The following PIP5K1B variants were observed in gnomAD, a reference collection of about 807,000 sequenced individuals.
PIP5K1B encodes phosphatidylinositol-4-phosphate 5-kinase type 1 beta.
Under a neutral mutation model 67.0 loss-of-function variants are expected in PIP5K1B, and 42 were observed. That is an observed-to-expected ratio of 0.63 (90% CI 0.49 to 0.81). PIP5K1B has a LOEUF of 0.81. Among genes scored for constraint, PIP5K1B ranks in the 30% least tolerant of loss-of-function variants. The pLI, the probability that PIP5K1B is intolerant of heterozygous loss-of-function variation, is 0.00. For synonymous variants in PIP5K1B, 214 were observed against 231.4 expected, an observed-to-expected ratio of 0.92 and a Z score of 0.68; for missense variants, 459 against 646.3, an observed-to-expected ratio of 0.71 and a Z score of 3.14.
intron 2 of PIP5K1B, among the ~76,000 whole-genome samples, chr9:68,799,105 A>T (rs1343634416): frequency 6.6e-6 from 1 of 152,208 alleles, no homozygotes; most frequent in Non-Finnish European, 1.5e-5. Flanking sequence ...GTTTTTGAGG[A>T]TTCTAAAGGG....
At position 69,006,456 on chromosome 9, in the gene PIP5K1B, C is replaced by A. The variant is rs112821595; in HGVS notation, c.1621-1991C>A. On this transcript the variant is annotated intron_variant, in intron 15 of 15. Coordinates refer to ENST00000265382, the MANE Select transcript of PIP5K1B (RefSeq NM_003558.4). ...TTCTGAGATTCCACTCACCTCCCGA[C>A]CCCAGGATCACAGCATCTGTGCCAC... Among the ~76,000 whole-genome samples the A allele has an allele frequency of 1.5e-3, 226 of 152,304 alleles. 2 individuals are homozygous for A. The highest frequency in any genetic ancestry group is 5.2e-3 in the African/African-American group (217 of 41,548).
intron 12 of PIP5K1B, among the ~76,000 whole-genome samples, chr9:68,932,793 CCT>C (rs1827065059): frequency 6.6e-6 from 1 of 152,098 alleles, no homozygotes; most frequent in Admixed American, 6.6e-5. Flanking sequence ...CATCTGAGAT[CCT>C]CTGATTTAGA....
chr9:69,004,336 T>TG (rs199837025), intron 15 of PIP5K1B, among the ~76,000 whole-genome samples: 36,593 of 119,226 alleles, frequency 0.31, 5,011 homozygotes, highest in East Asian at 0.44. Context: ...TGTGTGTGTT[T>TG]TTGTGTGTGT....
chr9:68,820,268 C>T (rs1359541707), intron 3 of PIP5K1B, among the ~76,000 whole-genome samples: 4 of 152,144 alleles, frequency 2.6e-5, no homozygotes, highest in Non-Finnish European at 5.9e-5. Flanking sequence ...TTATTCAAAA[C>T]TGACCTAATA....
At chr9:68,841,561 C>T (rs948384655) in intron 4 of PIP5K1B, among the ~76,000 whole-genome samples, 10 of 152,094 alleles carry the variant, frequency 6.6e-5, no homozygotes, top group Non-Finnish European at 1.0e-4. Context: ...TTCCATCTTT[C>T]GTCCCACAGT....
chr9:68,759,147 T>C (rs1564113200), intron 2 of PIP5K1B, among the ~76,000 whole-genome samples: 1 of 152,142 alleles, frequency 6.6e-6, no homozygotes, highest in Non-Finnish European at 1.5e-5. Flanking sequence ...ACATCTGGAA[T>C]GAAGGCAGAA....
chr9:68,939,348 G>A (rs1827439856), intron 13 of PIP5K1B, among the ~76,000 whole-genome samples: 1 of 152,182 alleles, frequency 6.6e-6, no homozygotes, highest in Non-Finnish European at 1.5e-5. Flanking sequence ...AACCTAGGTC[G>A]AAGACCAGCT....
chr9:68,861,817 G>T (rs1350542715), intron 4 of PIP5K1B, among the ~76,000 whole-genome samples: 1 of 152,008 alleles, frequency 6.6e-6, no homozygotes, highest in Non-Finnish European at 1.5e-5. Context: ...TGGTACAAAA[G>T]GTCACTGACG....
At chr9:68,854,119 A>G (rs1371375454) in intron 4 of PIP5K1B, among the ~76,000 whole-genome samples, 1 of 146,350 alleles carries the variant, frequency 6.8e-6, no homozygotes, top group East Asian at 2.0e-4. Context: ...CTGGGAATAA[A>G]CAGAAAACTT....
chr9:68,902,635 A>G (rs1825420591), intron 8 of PIP5K1B, among the ~76,000 whole-genome samples: 2 of 152,200 alleles, frequency 1.3e-5, no homozygotes. Context: ...GCCTGAATTC[A>G]ATTTCTATGT....
intron 8 of PIP5K1B, among the ~76,000 whole-genome samples, chr9:68,907,936 A>G (rs1287080162): frequency 6.6e-6 from 1 of 152,236 alleles, no homozygotes; most frequent in Non-Finnish European, 1.5e-5. Context: ...CCATAGAGTA[A>G]TATGAAAGGT....
chr9:68,780,584 T>C (rs756349143), intron 2 of PIP5K1B: 2 of 1,614,044 alleles, frequency 1.2e-6, no homozygotes, highest in Non-Finnish European at 8.5e-7. Context: ...TCGATTTCAT[T>C]CCTGTGTCAC....
intron 2 of PIP5K1B, among the ~76,000 whole-genome samples, chr9:68,749,329 AC>A (rs1308522219): frequency 6.6e-6 from 1 of 152,084 alleles, no homozygotes; most frequent in Non-Finnish European, 1.5e-5. Flanking sequence ...TGATGTGGCT[AC>A]CAGTCAAGGA....
intron 1 of PIP5K1B, among the ~76,000 whole-genome samples, chr9:68,723,406 A>G (rs1827987751): frequency 6.6e-6 from 1 of 150,654 alleles, no homozygotes; most frequent in Admixed American, 6.6e-5. Flanking sequence ...TTTTCTTTTG[A>G]GGAACTTACA....
At chr9:68,955,347 G>A (rs1432138255) in intron 14 of PIP5K1B, among the ~76,000 whole-genome samples, 1 of 152,238 alleles carries the variant, frequency 6.6e-6, no homozygotes, top group Non-Finnish European at 1.5e-5. Flanking sequence ...ACAATAATTA[G>A]TACATCTGAC....
At chr9:68,863,446 C>T (rs1233240830) in intron 4 of PIP5K1B, among the ~76,000 whole-genome samples, 4 of 151,996 alleles carry the variant, frequency 2.6e-5, no homozygotes, top group Non-Finnish European at 5.9e-5. Context: ...CACACGTATA[C>T]AGTAGTTATT....
chr9:68,899,840 G>A (rs1166165140), intron 8 of PIP5K1B, among the ~76,000 whole-genome samples: 5 of 152,180 alleles, frequency 3.3e-5, no homozygotes, highest in Non-Finnish European at 7.3e-5. Context: ...AGGGTTTGCT[G>A]TACAGATTAT....
intron 2 of PIP5K1B, among the ~76,000 whole-genome samples, chr9:68,763,284 A>C (rs1310166017): frequency 6.6e-6 from 1 of 152,122 alleles, no homozygotes; most frequent in Non-Finnish European, 1.5e-5. Context: ...AGTATGACTT[A>C]AGTGTGAGAT....
chr9:68,706,594 A>G (rs1463696294), intron 1 of PIP5K1B, among the ~76,000 whole-genome samples: 1 of 152,170 alleles, frequency 6.6e-6, no homozygotes, highest in Non-Finnish European at 1.5e-5. Flanking sequence ...GAACAAGGCA[A>G]TCCTAGTTAC....
Sources: gnomAD v4.1 joint callset for allele counts (sites outside exome capture counted in the v4.1 genomes callset) on GRCh38, gnomAD v4.1.1 for gene constraint, MANE v1.5 for transcripts, NCBI Gene and HGNC (gene_info 2026-07-23, HGNC 2026-07-21) for gene names.